Variants in EPM2A observed in about 807,000 individuals in gnomAD.
EPM2A encodes the protein EPM2A glucan phosphatase, laforin, also known as laforin.
EPM2A carries 21 observed loss-of-function variants against 26.5 expected under a neutral mutation model. The observed-to-expected ratio is 0.79, with a 90% CI of 0.56 to 1.14. EPM2A has a LOEUF of 1.14. Ranked by LOEUF, EPM2A falls within the 50% of genes most tolerant of loss-of-function variation. The pLI is 0.00. For synonymous variants in EPM2A, 217 were observed against 177.6 expected, an observed-to-expected ratio of 1.22 and a Z score of -1.76; for missense variants, 458 against 440.8, an observed-to-expected ratio of 1.04 and a Z score of -0.35.
At chr6:145,603,227 C>A (rs1781439069) in intron 2 of EPM2A, among the ~76,000 whole-genome samples, 1 of 151,172 alleles carries the variant, frequency 6.6e-6, no homozygotes, top group Non-Finnish European at 1.5e-5. Context: ...CTATGAAATT[C>A]TTTTTTCTGC....
chr6:145,488,451 T>C (rs1487038483), intron 4 of EPM2A, among the ~76,000 whole-genome samples: 1 of 151,784 alleles, frequency 6.6e-6, no homozygotes, highest in Non-Finnish European at 1.5e-5. Flanking sequence ...CCCATGAGTA[T>C]GGAATGTTTT....
chr6:145,390,829 T>C (rs936006908), intron 4 of EPM2A, among the ~76,000 whole-genome samples: 2 of 151,890 alleles, frequency 1.3e-5, no homozygotes, highest in African/African-American at 4.8e-5. Flanking sequence ...AACTTAAATG[T>C]TCTCACTAGT....
chr6:145,474,394 A>G (rs1027309124), intron 4 of EPM2A, among the ~76,000 whole-genome samples: 9 of 152,116 alleles, frequency 5.9e-5, no homozygotes, highest in African/African-American at 2.2e-4. Flanking sequence ...CCTGGGAGGC[A>G]GAAGTGGCAG....
At position 145,686,344 on chromosome 6, in the gene EPM2A, T is replaced by C. The variant is rs1562488880; in HGVS notation, c.302-48A>G. On this transcript the variant is annotated intron_variant, in intron 1 of 3. Transcript: ENST00000367519. ...ACAGAGCAATTAAATCAGTGTTTTG[T>C]TTAAATATCCTCAAAGCAGCTGATA... 4.1e-6 allele frequency: 6 copies of C among 1,471,606 alleles called. No homozygotes were observed. In the South Asian group the frequency reaches 5.7e-5, roughly 14 times the overall value. 91.2% of individuals were successfully genotyped at this position (1,471,606 alleles called of 1,614,324 possible).
intron 4 of EPM2A, among the ~76,000 whole-genome samples, chr6:145,448,845 C>A (rs1290297964): frequency 1.3e-5 from 2 of 151,866 alleles, no homozygotes; most frequent in Admixed American, 1.3e-4. Flanking sequence ...TAAACAAAGT[C>A]TCTTCCTCTT....
At chr6:145,622,678 G>A (rs1411468780), downstream of EPM2A, among the ~76,000 whole-genome samples, 1 of 152,132 alleles carries the variant, frequency 6.6e-6, no homozygotes, top group Non-Finnish European at 1.5e-5. Flanking sequence ...AAGGTTGCTG[G>A]CAAACCACCA....
Position 145,627,428 on chromosome 6 carries a change from C to T in EPM2A, c.984G>A (p.Val328=). The change falls in exon 4 of 4, where the codon GTG becomes GTA. Residue 328 remains valine, a synonymous_variant. Coordinates refer to ENST00000367519, the MANE Select transcript of EPM2A (RefSeq NM_005670.4). ...GCAGGCTGACCAGCTACAGGCTACACACAGAAGAACGAACCTTCCCAAATT... is the reference window on the plus strand; with the variant it reads ...GCAGGCTGACCAGCTACAGGCTACATACAGAAGAACGAACCTTCCCAAATT... The part of the protein sequence containing the change: ...FQKFGKVRSS[V]CSL 2 of 1,614,196 alleles carry T rather than the reference C, an allele frequency of 1.2e-6. No homozygotes were observed. The highest frequency in any genetic ancestry group is 1.1e-5 in the South Asian group (1 of 91,086).
At chr6:145,732,041 G>C (rs1776514299) in intron 1 of EPM2A, among the ~76,000 whole-genome samples, 1 of 152,206 alleles carries the variant, frequency 6.6e-6, no homozygotes, top group Non-Finnish European at 1.5e-5. Context: ...TTAGGAATTT[G>C]AGGGCTCAGA....
intron 2 of EPM2A, among the ~76,000 whole-genome samples, chr6:145,606,192 T>C (rs1352497155): frequency 1.3e-5 from 2 of 152,162 alleles, no homozygotes; most frequent in Non-Finnish European, 2.9e-5. Context: ...ATGGTTCTTG[T>C]ATTCCCTATT....
chr6:145,390,327 TA>T (rs11335780), intron 4 of EPM2A, among the ~76,000 whole-genome samples: 16,683 of 144,328 alleles, frequency 0.12, 951 homozygotes, highest in South Asian at 0.17. Context: ...AAATTTAAAT[TA>T]AAAAAAAAAA....
chr6:145,543,500 T>A (rs904704715), intron 2 of EPM2A, among the ~76,000 whole-genome samples: 1 of 152,098 alleles, frequency 6.6e-6, no homozygotes, highest in African/African-American at 2.4e-5. Context: ...CCCAAGGCCA[T>A]ACAATTAATT....
chr6:145,536,769 T>A (rs1780438140), intron 2 of EPM2A, among the ~76,000 whole-genome samples: 1 of 152,130 alleles, frequency 6.6e-6, no homozygotes, highest in African/African-American at 2.4e-5. Flanking sequence ...ACTGTGGAAA[T>A]AAATGAAAAC....
intron 1 of EPM2A, 69 bp downstream of exon 1, chr6:145,735,129 G>A: frequency 3.2e-6 from 4 of 1,244,422 alleles, no homozygotes; most frequent in Non-Finnish European, 3.3e-6. Context: ...GCCCGAGGCC[G>A]AGGCCCCGGT....
intron 2 of EPM2A, among the ~76,000 whole-genome samples, chr6:145,616,295 C>G (rs1410479572): frequency 1.3e-5 from 2 of 152,254 alleles, no homozygotes; most frequent in African/African-American, 4.8e-5. Flanking sequence ...GCCTTGGCAG[C>G]TTCCACGTGG....
rs145155912 is a variant in EPM2A at position 145,395,281 on chromosome 6, A to G, written c.556-11184T>C. ...GAACCTCACAAGGTAGAGAGGTTTC[A>G]AGGACCTAAAAGGTCAGTTGGCCTC... is the stretch of plus-strand genomic sequence containing the variant. On this transcript the variant is annotated intron_variant, in intron 4 of 4. Coordinates refer to the EPM2A transcript ENST00000638717. Among the ~76,000 whole-genome samples the G allele has an allele frequency of 5.0e-3, 757 of 152,240 alleles. 4 individuals carry two copies. Among genetic ancestry groups the G allele is most frequent in the Admixed American group, 0.011 (167 of 15,284 alleles).
chr6:145,487,075 A>G (rs1268641961), intron 4 of EPM2A, among the ~76,000 whole-genome samples: 2 of 152,084 alleles, frequency 1.3e-5, no homozygotes, highest in African/African-American at 4.8e-5. Flanking sequence ...CTCCCACTCA[A>G]AAGTGAGAAC....
intron 2 of EPM2A, among the ~76,000 whole-genome samples, chr6:145,574,925 T>C (rs140319603): frequency 1.8e-3 from 269 of 152,316 alleles, no homozygotes; most frequent in Admixed American, 5.7e-3. Flanking sequence ...TTTCTGCTTA[T>C]ATAAATTAGA....
intron 1 of EPM2A, among the ~76,000 whole-genome samples, chr6:145,713,650 T>C (rs1775460859): frequency 6.6e-6 from 1 of 152,196 alleles, no homozygotes; most frequent in South Asian, 2.1e-4. Flanking sequence ...TGCAGTCACC[T>C]TGGAAAACAG....
chr6:145,692,503 T>G (rs962697820), intron 1 of EPM2A, among the ~76,000 whole-genome samples: 11 of 152,046 alleles, frequency 7.2e-5, no homozygotes, highest in African/African-American at 2.7e-4. Context: ...AAATTGTGTT[T>G]TCTGACATTA....
Sources: gnomAD v4.1 joint callset for allele counts (sites outside exome capture counted in the v4.1 genomes callset) on GRCh38, gnomAD v4.1.1 for gene constraint, MANE v1.5 for transcripts, NCBI Gene and HGNC (gene_info 2026-07-23, HGNC 2026-07-21) for gene names.